Variants in KCNIP4 observed in about 807,000 individuals in gnomAD.
KCNIP4 encodes the protein potassium voltage-gated channel interacting protein 4.
Under a neutral mutation model 34.0 loss-of-function variants are expected in KCNIP4, and 12 were observed. The ratio of observed to expected loss-of-function variants is 0.35; its 90% CI spans 0.23 to 0.57. The LOEUF is 0.57. KCNIP4 is among the 20% of genes least tolerant of loss of function. The pLI is 0.83. For synonymous variants in KCNIP4, 124 were observed against 102.2 expected, an observed-to-expected ratio of 1.21 and a Z score of -1.29; for missense variants, 238 against 311.7, an observed-to-expected ratio of 0.76 and a Z score of 1.78.
Position 20,825,225 on chromosome 4 carries a change from G to GTTTT in KCNIP4, c.288+25314_288+25317dup, listed in dbSNP as rs71181592. On this transcript the variant is annotated intron_variant, in intron 3 of 8. Transcript: ENST00000382152. ...AAAGGATTGACCTGGTCAATTTTAC[G>GTTTT]TTTTTTTTTTTTTTTTTTTTTTTTG... 1.4e-3 allele frequency among the ~76,000 whole-genome samples: 158 copies of GTTTT among 113,608 alleles called. 5 individuals are homozygous for GTTTT. Among genetic ancestry groups the GTTTT allele is most frequent in the African/African-American group, 3.2e-3 (94 of 28,972 alleles). The allele number at this position is 113,608 out of a possible 152,430, so 74.5% of individuals were successfully genotyped here.
intron 1 of KCNIP4, among the ~76,000 whole-genome samples, chr4:21,247,982 T>TAC (rs571498756): frequency 7.5e-4 from 79 of 105,086 alleles, no homozygotes; most frequent in South Asian, 9.5e-4. Context: ...CATATATATA[T>TAC]ACACACACAC....
At chr4:21,258,466 C>T (rs1361973622) in intron 1 of KCNIP4, among the ~76,000 whole-genome samples, 1 of 152,144 alleles carries the variant, frequency 6.6e-6, no homozygotes, top group Non-Finnish European at 1.5e-5. Flanking sequence ...CTTCCAAGCT[C>T]TACCCATATT....
chr4:21,364,661 A>G (rs1303459194), intron 1 of KCNIP4, among the ~76,000 whole-genome samples: 1 of 152,100 alleles, frequency 6.6e-6, no homozygotes, highest in African/African-American at 2.4e-5. Flanking sequence ...CAATGCACCT[A>G]TATTATGGAA....
At chr4:21,479,242 C>A (rs1172333491) in intron 1 of KCNIP4, among the ~76,000 whole-genome samples, 6 of 152,078 alleles carry the variant, frequency 3.9e-5, no homozygotes, top group Admixed American at 3.9e-4. Context: ...CATCCTGCTG[C>A]TGCTCAAAAA....
Position 20,801,562 on chromosome 4 carries a change from G to A in KCNIP4, c.289-42672C>T, listed in dbSNP as rs200069089. On this transcript the variant is annotated intron_variant, in intron 3 of 8. Transcript: ENST00000382152. ...AAACATAAGTTATAGGGGGTGGAGA[G>A]TAAAAGTCTAGAGTTTTTGTATGTG... 1.2e-4 allele frequency among the ~76,000 whole-genome samples: 19 copies of A among 152,230 alleles called. No individual in the cohort carries two copies. In the East Asian group the frequency reaches 3.5e-3, roughly 28 times the overall value.
intron 3 of KCNIP4, among the ~76,000 whole-genome samples, chr4:20,815,776 C>T (rs938833752): frequency 2.0e-5 from 3 of 152,156 alleles, no homozygotes; most frequent in African/African-American, 7.2e-5. Flanking sequence ...TAGCATGTAT[C>T]ACACCCCTTT....
intron 1 of KCNIP4, among the ~76,000 whole-genome samples, chr4:21,087,779 C>T (rs994731739): frequency 1.3e-5 from 2 of 152,148 alleles, no homozygotes; most frequent in African/African-American, 4.8e-5. Context: ...CAACACCACT[C>T]AATCCTCCCT....
chr4:21,350,085 AATTT>A (rs1717859852), intron 1 of KCNIP4, among the ~76,000 whole-genome samples: 1 of 152,080 alleles, frequency 6.6e-6, no homozygotes, highest in Non-Finnish European at 1.5e-5. Context: ...TAATTACTCT[AATTT>A]ATTTATTAAT....
intron 1 of KCNIP4, among the ~76,000 whole-genome samples, chr4:21,713,833 T>C (rs1051600359): frequency 1.3e-5 from 2 of 152,090 alleles, no homozygotes; most frequent in Admixed American, 6.5e-5. Flanking sequence ...TTCTAGTCAA[T>C]GGGAAACAAA....
At chr4:21,899,384 G>T (rs912849280) in intron 1 of KCNIP4, among the ~76,000 whole-genome samples, 3 of 152,090 alleles carry the variant, frequency 2.0e-5, no homozygotes, top group African/African-American at 7.2e-5. Context: ...AACAAGAAAA[G>T]GATGCCCATT....
At chr4:21,605,636 A>G (rs577011280) in intron 1 of KCNIP4, among the ~76,000 whole-genome samples, 20 of 152,118 alleles carry the variant, frequency 1.3e-4, no homozygotes, top group African/African-American at 4.8e-4. Flanking sequence ...GCCCGCCACC[A>G]CACCCAGCTA....
At chr4:20,833,735 A>G (rs992064144) in intron 3 of KCNIP4, among the ~76,000 whole-genome samples, 16 of 152,116 alleles carry the variant, frequency 1.1e-4, no homozygotes, top group African/African-American at 3.9e-4. Context: ...TATCCCACAC[A>G]CAGTGCAGTT....
intron 1 of KCNIP4, among the ~76,000 whole-genome samples, chr4:20,912,395 G>T (rs1728412626): frequency 6.6e-6 from 1 of 152,078 alleles, no homozygotes; most frequent in African/African-American, 2.4e-5. Flanking sequence ...TGCTTGCAAT[G>T]AATAATTCAA....
intron 1 of KCNIP4, among the ~76,000 whole-genome samples, chr4:20,989,501 A>G (rs1736890469): frequency 6.6e-6 from 1 of 152,152 alleles, no homozygotes. Context: ...AAAAGAAGTA[A>G]AATTCTAGAA....
At position 21,150,495 on chromosome 4, in the gene KCNIP4, C is replaced by G. The variant is rs545934791; in HGVS notation, c.62-267786G>C. 1.8e-4 allele frequency among the ~76,000 whole-genome samples: 27 copies of G among 152,296 alleles called. No individual in the cohort carries two copies. In the South Asian group the frequency reaches 2.7e-3, roughly 15 times the overall value. On this transcript the variant is annotated intron_variant, in intron 1 of 8. Transcript: ENST00000382152. The stretch of plus-strand genomic sequence containing the variant: ...GGGGACACAGACCAAGTACTTAGAC[C>G]TTAGTCAAAGACATTACCCCTGTCT...
chr4:21,092,272 T>C (rs954475506), intron 1 of KCNIP4, among the ~76,000 whole-genome samples: 3 of 152,018 alleles, frequency 2.0e-5, no homozygotes, highest in African/African-American at 7.2e-5. Context: ...TATTGAGGTA[T>C]TATCCTGATA....
intron 1 of KCNIP4, among the ~76,000 whole-genome samples, chr4:21,097,437 C>A (rs768830513): frequency 7.2e-5 from 11 of 152,104 alleles, no homozygotes; most frequent in Non-Finnish European, 1.6e-4. Flanking sequence ...AGATTTTTGG[C>A]AACCCTGCAT....
intron 1 of KCNIP4, chr4:20,983,990 A>C: frequency 6.6e-7 from 1 of 1,523,016 alleles, no homozygotes. Context: ...TAATTACAGA[A>C]TCGTAGCAAC....
At chr4:21,601,107 G>T (rs554950927) in intron 1 of KCNIP4, among the ~76,000 whole-genome samples, 11 of 146,964 alleles carry the variant, frequency 7.5e-5, no homozygotes, top group Non-Finnish European at 1.5e-4. Context: ...CGTTTTCACA[G>T]GCACCAGTGT....
Sources: allele counts gnomAD v4.1 joint callset (sites outside exome capture counted in the v4.1 genomes callset), GRCh38; gene constraint gnomAD v4.1.1; transcripts MANE v1.5; gene names NCBI Gene and HGNC (gene_info 2026-07-23, HGNC 2026-07-21).